ST6GALNAC5: variants seen among roughly 807,000 people sequenced by gnomAD.
ST6GALNAC5 encodes alpha-N-acetylgalactosaminide alpha-2,6-sialyltransferase 5.
In ST6GALNAC5, 27 loss-of-function variants were observed where a neutral mutation model predicts 33.6. The ratio of observed to expected loss-of-function variants is 0.80; its 90% CI spans 0.59 to 1.11. The LOEUF (loss-of-function observed/expected upper bound fraction) is 1.11. Among genes scored for constraint, ST6GALNAC5 ranks in the 50% least tolerant of loss-of-function variants. The pLI, the probability that ST6GALNAC5 is intolerant of heterozygous loss-of-function variation, is 0.00. For synonymous variants in ST6GALNAC5, 194 were observed against 171.2 expected (o/e 1.13, Z -1.04); for missense variants, 428 against 454.0 (o/e 0.94, Z 0.52).
In ST6GALNAC5 at chr1:77,005,115, C is replaced by T. The variant is rs1650344346; in HGVS notation, c.262-39089C>T. On this transcript the variant is annotated intron_variant, in intron 2 of 4. Transcript: ENST00000477717. ...CCTCGCTGCCACCTTGCAGTTTGATCTCAGACTGCTGTGCTAGCAATCAGC... is the reference window on the plus strand; with the variant it reads ...CCTCGCTGCCACCTTGCAGTTTGATTTCAGACTGCTGTGCTAGCAATCAGC... Among the ~76,000 whole-genome samples the T allele has an allele frequency of 2.0e-5, 3 of 152,164 alleles. No homozygotes were observed. In the South Asian group the frequency reaches 6.2e-4, roughly 32 times the overall value.
intron 2 of ST6GALNAC5, among the ~76,000 whole-genome samples, chr1:76,919,265 C>G (rs995983688): frequency 1.3e-5 from 2 of 152,094 alleles, no homozygotes; most frequent in African/African-American, 4.8e-5. Flanking sequence ...ACAGTGCCTC[C>G]CGTCTTGGGC....
At chr1:76,874,525 A>C (rs952375242) in intron 2 of ST6GALNAC5, among the ~76,000 whole-genome samples, 1 of 152,212 alleles carries the variant, frequency 6.6e-6, no homozygotes. Context: ...AAGGAGAGTC[A>C]GTCTAAGTCT....
chr1:76,951,673 A>T (rs1428788328), intron 2 of ST6GALNAC5, among the ~76,000 whole-genome samples: 1 of 152,136 alleles, frequency 6.6e-6, no homozygotes, highest in Non-Finnish European at 1.5e-5. Context: ...AAGAATGTAT[A>T]TTTAAAAAGG....
At chr1:76,923,747 T>TAG (rs1187661566) in intron 2 of ST6GALNAC5, among the ~76,000 whole-genome samples, 1 of 151,936 alleles carries the variant, frequency 6.6e-6, no homozygotes, top group African/African-American at 2.4e-5. Flanking sequence ...GTTCCGACAC[T>TAG]AGTCCCACTG....
chr1:77,033,565 CTGG>C (rs1334069174), intron 2 of ST6GALNAC5, among the ~76,000 whole-genome samples: 1 of 151,770 alleles, frequency 6.6e-6, no homozygotes, highest in South Asian at 2.1e-4. Context: ...GGAAGAGGTC[CTGG>C]CACATTAGTT....
At chr1:76,916,392 A>T (rs1646975280) in intron 2 of ST6GALNAC5, among the ~76,000 whole-genome samples, 1 of 152,184 alleles carries the variant, frequency 6.6e-6, no homozygotes, top group African/African-American at 2.4e-5. Flanking sequence ...GAAGGAAAAA[A>T]ATTCTGTATG....
At chr1:76,970,967 C>G (rs933736126) in intron 2 of ST6GALNAC5, among the ~76,000 whole-genome samples, 2 of 151,742 alleles carry the variant, frequency 1.3e-5, no homozygotes, top group Non-Finnish European at 2.9e-5. Context: ...TTTCCAAAAC[C>G]ACTTTTATTT....
chr1:76,975,552 A>C (rs1412158955), intron 2 of ST6GALNAC5, among the ~76,000 whole-genome samples: 2 of 152,200 alleles, frequency 1.3e-5, no homozygotes, highest in Non-Finnish European at 2.9e-5. Context: ...GGATATATGT[A>C]AGTGGGATTA....
intron 2 of ST6GALNAC5, among the ~76,000 whole-genome samples, chr1:76,974,561 A>G (rs2100370366): frequency 6.6e-6 from 1 of 150,888 alleles, no homozygotes; most frequent in Middle Eastern, 3.4e-3. Flanking sequence ...AAGTCTGTAA[A>G]TTTTCTTGGT....
chr1:77,002,660 G>A (rs1334600704), intron 2 of ST6GALNAC5, among the ~76,000 whole-genome samples: 1 of 150,590 alleles, frequency 6.6e-6, no homozygotes, highest in African/African-American at 2.4e-5. Context: ...ACACTGCTTT[G>A]AATGCGTCCC....
chr1:76,922,557 A>G (rs556576635), intron 2 of ST6GALNAC5, among the ~76,000 whole-genome samples: 11 of 152,322 alleles, frequency 7.2e-5, no homozygotes, highest in African/African-American at 2.4e-4. Context: ...CTTGAAAAAG[A>G]AACAAAGTGA....
At chr1:77,043,232 G>C (rs11162254) in intron 2 of ST6GALNAC5, among the ~76,000 whole-genome samples, 58,097 of 152,140 alleles carry the variant, frequency 0.38, 11,862 homozygotes, top group African/African-American at 0.52. Flanking sequence ...GCCTCGGGCC[G>C]TAATTACATT....
At chr1:77,012,960 G>C (rs1650694116) in intron 2 of ST6GALNAC5, among the ~76,000 whole-genome samples, 1 of 152,144 alleles carries the variant, frequency 6.6e-6, no homozygotes, top group African/African-American at 2.4e-5. Context: ...AACTTCTTAA[G>C]GGTTGGGAAA....
At chr1:77,038,604 G>A (rs923330278) in intron 2 of ST6GALNAC5, among the ~76,000 whole-genome samples, 2 of 152,180 alleles carry the variant, frequency 1.3e-5, no homozygotes, top group African/African-American at 4.8e-5. Context: ...CAAGGACATC[G>A]CTGAGTGTTT....
At chr1:76,987,847 C>T (rs1649571881) in intron 2 of ST6GALNAC5, among the ~76,000 whole-genome samples, 1 of 152,080 alleles carries the variant, frequency 6.6e-6, no homozygotes, top group African/African-American at 2.4e-5. Flanking sequence ...TGACTATGTG[C>T]CTAGGTGATG....
In ST6GALNAC5 at chr1:77,003,973, G is replaced by A. The variant is rs1395608537; in HGVS notation, c.262-40231G>A. Among the ~76,000 whole-genome samples, 378 of 102,198 alleles carry A rather than the reference G, an allele frequency of 3.7e-3. 2 individuals carry two copies. Among genetic ancestry groups the A allele is most frequent in the Non-Finnish European group, 5.5e-3 (256 of 46,660 alleles). 67.0% of individuals were successfully genotyped at this position (102,198 alleles called of 152,430 possible). A position where few individuals can be genotyped will look rare whatever the true frequency, so the allele number is the denominator to read the frequency against. ...GTGAATCTGACAATTATGTGTCTTG[G>A]AGTTGCTCTTCTCGAGGAGTATCTT... On this transcript the variant is annotated intron_variant, in intron 2 of 4. Coordinates refer to ENST00000477717, the MANE Select transcript of ST6GALNAC5 (RefSeq NM_030965.3).
At chr1:76,922,320 C>A (rs148422328) in intron 2 of ST6GALNAC5, among the ~76,000 whole-genome samples, 32 of 152,204 alleles carry the variant, frequency 2.1e-4, no homozygotes, top group Admixed American at 3.9e-4. Flanking sequence ...TGTACAGAAT[C>A]TGTCTGTGAA....
At chr1:76,979,214 T>C (rs1393178525) in intron 2 of ST6GALNAC5, among the ~76,000 whole-genome samples, 1 of 152,114 alleles carries the variant, frequency 6.6e-6, no homozygotes, top group Non-Finnish European at 1.5e-5. Flanking sequence ...AGCTGCAGAT[T>C]CAATGCAATC....
chr1:76,991,485 A>G (rs772703574), intron 2 of ST6GALNAC5, among the ~76,000 whole-genome samples: 13 of 152,132 alleles, frequency 8.5e-5, no homozygotes, highest in Non-Finnish European at 1.8e-4. Context: ...TTTTATTACC[A>G]TTTTATCCTA....
Sources: gnomAD v4.1 joint callset for allele counts (sites outside exome capture counted in the v4.1 genomes callset) on GRCh38, gnomAD v4.1.1 for gene constraint, MANE v1.5 for transcripts, NCBI Gene and HGNC (gene_info 2026-07-23, HGNC 2026-07-21) for gene names.